The following COL17A1 variants were observed in gnomAD, a reference collection of about 807,000 sequenced individuals.
COL17A1 encodes collagen alpha-1(XVII) chain.
Under a neutral mutation model 218.4 loss-of-function variants are expected in COL17A1, and 181 were observed. The ratio of observed to expected loss-of-function variants is 0.83; its 90% CI spans 0.73 to 0.94. COL17A1 has a LOEUF of 0.94. COL17A1 is among the 40% of genes least tolerant of loss of function. The pLI is 0.00. For synonymous variants in COL17A1, 721 were observed against 731.0 expected (o/e 0.99, Z 0.22); for missense variants, 1,924 against 1,945.9 (o/e 0.99, Z 0.21).
intron 35 of COL17A1, among the ~76,000 whole-genome samples, chr10:104,042,997 C>T (rs1438252780): frequency 1.3e-5 from 2 of 152,144 alleles, no homozygotes; most frequent in Non-Finnish European, 2.9e-5. Flanking sequence ...TTTCAATAAA[C>T]GTTTTATCTC....
At chr10:104,073,598 A>T (rs1283957326) in intron 6 of COL17A1, among the ~76,000 whole-genome samples, 1 of 152,128 alleles carries the variant, frequency 6.6e-6, no homozygotes, top group Non-Finnish European at 1.5e-5. Context: ...CTTCCCTTTG[A>T]TTTTTTATTC....
intron 24 of COL17A1, 146 bp downstream of exon 24, chr10:104,052,009 C>T (rs1589565846): frequency 9.4e-7 from 1 of 1,063,392 alleles, no homozygotes; most frequent in South Asian, 1.3e-5. Context: ...CTGGGGGATG[C>T]TCTTTGGACC....
At chr10:104,079,527 A>T (rs2086744855) in intron 2 of COL17A1, among the ~76,000 whole-genome samples, 1 of 151,828 alleles carries the variant, frequency 6.6e-6, no homozygotes, top group East Asian at 1.9e-4. Context: ...ATCCCACATG[A>T]CTCTCATTCA....
chr10:104,041,368 G>T, intron 37 of COL17A1, 24 bp from the exon 38 acceptor site: 1 of 1,608,638 alleles, frequency 6.2e-7, no homozygotes, highest in Non-Finnish European at 8.5e-7. Context: ...CAAGGAAGAG[G>T]CCATGCTGAG....
intron 53 of COL17A1, 64 bp from the exon 54 acceptor site, chr10:104,033,032 C>A: frequency 6.3e-7 from 1 of 1,580,634 alleles, no homozygotes; most frequent in South Asian, 1.1e-5. Context: ...GACATCAAGT[C>A]ATTTGTTCAG....
At chr10:104,038,058 G>A (rs2086318637) in intron 45 of COL17A1, among the ~76,000 whole-genome samples, 1 of 152,230 alleles carries the variant, frequency 6.6e-6, no homozygotes, top group African/African-American at 2.4e-5. Context: ...AAGGTGTGGT[G>A]TGAAAGCATG....
chr10:104,037,778 C>T lies in COL17A1; in HGVS notation c.3071-5G>A, dbSNP rs370589324. 95 of 1,613,420 alleles carry T rather than the reference C, an allele frequency of 5.9e-5. No homozygotes were observed. Among genetic ancestry groups the T allele is most frequent in the Non-Finnish European group, 7.1e-5 (84 of 1,179,862 alleles). On this transcript the variant is annotated splice_polypyrimidine_tract_variant and splice_region_variant and intron_variant, in intron 45 of 55. Transcript: ENST00000648076. The stretch of plus-strand genomic sequence containing the variant: ...GGTAAGATCTAATACTGTCACCTGC[C>T]GACCAAGGAACAAAGCAAAGTCAAG...
chr10:104,038,552 G>T, intron 44 of COL17A1, 24 bp from the exon 45 acceptor site: 1 of 1,607,552 alleles, frequency 6.2e-7, no homozygotes. Context: ...AAAGCGTCCT[G>T]TGTCGGTTTC....
At chr10:104,039,929 C>A (rs776704599) in intron 41 of COL17A1, 44 bp downstream of exon 41, 11 of 1,613,858 alleles carry the variant, frequency 6.8e-6, no homozygotes, top group Non-Finnish European at 8.5e-6. Flanking sequence ...TTTTGCCATC[C>A]CCACCCCTAC....
At chr10:104,079,083 C>T (rs2086736887) in intron 2 of COL17A1, among the ~76,000 whole-genome samples, 1 of 152,146 alleles carries the variant, frequency 6.6e-6, no homozygotes. Flanking sequence ...TCAGGGCAAC[C>T]CCTGAATGTG....
In COL17A1 at chr10:104,077,500, T is replaced by C; in HGVS notation, c.124A>G (p.Lys42Glu). The C allele has an allele frequency of 6.2e-7, 1 of 1,613,270 alleles. No individual in the cohort carries two copies. Among genetic ancestry groups the C allele is most frequent in the East Asian group, 2.2e-5 (1 of 44,870 alleles). ...PKGGTSNGYA[K>E]TASLGGGSRL... ...CTCCCTCCACCAAGAGAGGCTGTTT[T>C]AGCATAGCCATTGCTGGTCCCGCCT... is the stretch of plus-strand genomic sequence containing the variant. Residue 42 changes from lysine (K) to glutamate (E), a missense_variant, in exon 4 of 56, where the codon AAA becomes GAA. Transcript: ENST00000648076.
rs201095550 is a variant in COL17A1, at chr10:104,043,869, A to G, written c.2399-9T>C. 4 of 1,614,148 alleles carry G rather than the reference A, an allele frequency of 2.5e-6. No individual in the cohort carries two copies. Among genetic ancestry groups the G allele is most frequent in the Non-Finnish European group, 3.4e-6 (4 of 1,180,020 alleles). ...TGGAGCTCCTGGTTCACCTAGGAAGAGAGGAAAAGGCTGAGAGTGGTTGTT... is the reference window on the plus strand; with the variant it reads ...TGGAGCTCCTGGTTCACCTAGGAAGGGAGGAAAAGGCTGAGAGTGGTTGTT... On this transcript the variant is annotated splice_polypyrimidine_tract_variant and intron_variant, in intron 33 of 55. Transcript: ENST00000648076.
At position 104,060,158 on chromosome 10, in the gene COL17A1, C is replaced by T. The variant is rs747007253; in HGVS notation, c.1102G>A (p.Gly368Arg). ...GCAGGGGAGGCTGTAAAGACCTTCC[C>T]GCTGTCCTTGGTCATGATGAGCAGC... ...MELLIMTKDS[G>R]KVFTASPASI... Residue 368 changes from glycine (G) to arginine (R), a missense_variant, in exon 14 of 56, where the codon GGG becomes AGG. Gly to Arg is a moderately radical substitution (Grantham distance 125, BLOSUM62 -2). Coordinates refer to ENST00000648076, the MANE Select transcript of COL17A1 (RefSeq NM_000494.4). 67 of 1,614,006 alleles carry T rather than the reference C, an allele frequency of 4.2e-5. No homozygotes were observed. Among genetic ancestry groups the T allele is most frequent in the East Asian group, 8.9e-5 (4 of 44,890 alleles).
intron 33 of COL17A1, among the ~76,000 whole-genome samples, chr10:104,044,575 T>G (rs968555627): frequency 6.6e-6 from 1 of 152,134 alleles, no homozygotes; most frequent in African/African-American, 2.4e-5. Context: ...GAAAGGAGAC[T>G]ATTGCTCTCT....
chr10:104,037,171 C>T (rs2086308618), intron 46 of COL17A1, 58 bp from the exon 47 acceptor site: 1 of 1,495,012 alleles, frequency 6.7e-7, no homozygotes, highest in Admixed American at 1.9e-5. Flanking sequence ...AACACCCTCA[C>T]TATTCCAGAA....
chr10:104,064,900 C>T (rs998598533), intron 9 of COL17A1, among the ~76,000 whole-genome samples: 66 of 152,308 alleles, frequency 4.3e-4, no homozygotes, highest in Non-Finnish European at 6.6e-4. Context: ...GGTGGGCTGT[C>T]CCACCAATGG....
At chr10:104,075,907 T>C (rs2086706063) in intron 5 of COL17A1, among the ~76,000 whole-genome samples, 1 of 152,230 alleles carries the variant, frequency 6.6e-6, no homozygotes, top group African/African-American at 2.4e-5. Context: ...TTCCCCGATT[T>C]CCTCAGCTTA....
chr10:104,039,942 C>T, intron 41 of COL17A1, 31 bp downstream of exon 41: 4 of 1,614,150 alleles, frequency 2.5e-6, no homozygotes, highest in Non-Finnish European at 3.4e-6. Flanking sequence ...ACCCCTACCC[C>T]AGGTTTTGTT....
chr10:104,082,916 C>T (rs2086777173), intron 1 of COL17A1, among the ~76,000 whole-genome samples: 1 of 152,194 alleles, frequency 6.6e-6, no homozygotes. Flanking sequence ...ATCAGATGCC[C>T]TCCTTCAGGG....
Sources: allele counts gnomAD v4.1 joint callset (sites outside exome capture counted in the v4.1 genomes callset), GRCh38; gene constraint gnomAD v4.1.1; transcripts MANE v1.5; gene names NCBI Gene and HGNC (gene_info 2026-07-23, HGNC 2026-07-21).